Variants in ACYP2 observed in about 807,000 individuals in gnomAD.
ACYP2 encodes acylphosphatase-2.
Under a neutral mutation model 11.2 loss-of-function variants are expected in ACYP2, and 12 were observed. The observed-to-expected ratio is 1.08, with a 90% CI of 0.69 to 1.74. The LOEUF (loss-of-function observed/expected upper bound fraction) is 1.74. Ranked by LOEUF, ACYP2 falls within the 40% of genes most tolerant of loss-of-function variation. The probability of loss-of-function intolerance (pLI) is 0.00; values close to 1 mark genes in which losing one functional copy is unlikely to be tolerated. For missense variants in ACYP2, 134 were observed against 101.9 expected (o/e 1.31, Z -1.35); for synonymous variants, 43 against 32.2 (o/e 1.33, Z -1.13).
chr2:54,181,013 T>C (rs1033675381), intron 6 of ACYP2, among the ~76,000 whole-genome samples: 3 of 152,202 alleles, frequency 2.0e-5, no homozygotes, highest in African/African-American at 7.2e-5. Context: ...ATTCAGACCA[T>C]AGCAGATCTC....
intron 6 of ACYP2, among the ~76,000 whole-genome samples, chr2:54,291,508 G>A (rs1327628979): frequency 6.6e-6 from 1 of 152,230 alleles, no homozygotes; most frequent in South Asian, 2.1e-4. Context: ...TCCTTCTGGG[G>A]TCTTTCACGT....
At chr2:54,204,749 T>C (rs896006801) in intron 6 of ACYP2, among the ~76,000 whole-genome samples, 1 of 152,226 alleles carries the variant, frequency 6.6e-6, no homozygotes, top group Admixed American at 6.5e-5. Flanking sequence ...TATTTGATTA[T>C]TGCTTCTGCT....
intron 2 of ACYP2, among the ~76,000 whole-genome samples, chr2:54,042,804 T>C (rs577451628): frequency 6.6e-6 from 1 of 152,288 alleles, no homozygotes; most frequent in South Asian, 2.1e-4. Context: ...ATATTTACAA[T>C]GCAGACTCTC....
chr2:54,178,901 C>T (rs1241181431), intron 6 of ACYP2, among the ~76,000 whole-genome samples: 1 of 152,096 alleles, frequency 6.6e-6, no homozygotes, highest in Admixed American at 6.6e-5. Context: ...AGTCCATTCA[C>T]GCTACTATAA....
At chr2:54,255,804 C>A (rs544734880) in intron 6 of ACYP2, 1 of 1,613,726 alleles carries the variant, frequency 6.2e-7, no homozygotes, top group Non-Finnish European at 8.5e-7. Context: ...TCTCTTCACC[C>A]GGAAAGCCAT....
At chr2:54,236,068 CTTATA>C (rs2103975121) in intron 6 of ACYP2, among the ~76,000 whole-genome samples, 1 of 151,638 alleles carries the variant, frequency 6.6e-6, no homozygotes, top group Non-Finnish European at 1.5e-5. Context: ...TATTTCCTTC[CTTATA>C]TTTTCTTTAG....
At chr2:53,980,812 T>G (rs1671717164) in intron 2 of ACYP2, among the ~76,000 whole-genome samples, 2 of 151,950 alleles carry the variant, frequency 1.3e-5, no homozygotes, top group Non-Finnish European at 2.9e-5. Flanking sequence ...AGTGCAATGG[T>G]GCAATCACAG....
At chr2:54,281,251 A>C (rs1688838240) in intron 6 of ACYP2, among the ~76,000 whole-genome samples, 1 of 152,218 alleles carries the variant, frequency 6.6e-6, no homozygotes, top group South Asian at 2.1e-4. Context: ...GTCAGGGATC[A>C]ATTTCCTTTT....
At chr2:54,157,852 C>T (rs1682503663) in intron 6 of ACYP2, among the ~76,000 whole-genome samples, 1 of 152,088 alleles carries the variant, frequency 6.6e-6, no homozygotes, top group African/African-American at 2.4e-5. Flanking sequence ...GCTGTCAGTG[C>T]AGAGGGTCTG....
chr2:54,292,710 GTGTA>G (rs1209828623), intron 6 of ACYP2, among the ~76,000 whole-genome samples: 4 of 146,380 alleles, frequency 2.7e-5, no homozygotes, highest in Admixed American at 1.4e-4. Flanking sequence ...ACACACACAC[GTGTA>G]TGTATCTCTG....
At chr2:54,282,819 GTA>G (rs369088365) in intron 6 of ACYP2, among the ~76,000 whole-genome samples, 97 of 152,164 alleles carry the variant, frequency 6.4e-4, no homozygotes, top group African/African-American at 2.2e-3. Flanking sequence ...ATATTCACAG[GTA>G]GCTGTGTGTA....
At position 54,201,604 on chromosome 2, in the gene ACYP2, C is replaced by CTTTCTTTCTTTCTTTCTTTCTT. The variant is rs1558608435; in HGVS notation, c.404+62875_404+62876insCTTTTTCTTTCTTTCTTTCTTT. ...TCTTTTTCTTTCTTTCTCTTTCTTT[C>CTTTCTTTCTTTCTTTCTTTCTT]TTTCTTTCTTTCTTTCTTTGTTTCT... is the stretch of plus-strand genomic sequence containing the variant. On this transcript the variant is annotated intron_variant, in intron 6 of 6. Coordinates refer to ENST00000607452, the MANE Select transcript of ACYP2 (RefSeq NM_001320586.2). Among the ~76,000 whole-genome samples, 142 of 83,942 alleles carry CTTTCTTTCTTTCTTTCTTTCTT rather than the reference C, an allele frequency of 1.7e-3. 2 individuals are homozygous for CTTTCTTTCTTTCTTTCTTTCTT. Among genetic ancestry groups the CTTTCTTTCTTTCTTTCTTTCTT allele is most frequent in the East Asian group, 5.1e-3 (8 of 1,566 alleles). 55.1% of individuals were successfully genotyped at this position (83,942 alleles called of 152,430 possible). A position where few individuals can be genotyped will look rare whatever the true frequency, so the allele number is the denominator to read the frequency against.
chr2:54,015,645 T>TCTCACACACACACACACACACA (rs1322863615), intron 2 of ACYP2, among the ~76,000 whole-genome samples: 2 of 130,420 alleles, frequency 1.5e-5, no homozygotes, highest in African/African-American at 6.2e-5. Flanking sequence ...TGAGACCCCG[T>TCTCACACACACACACACACACA]CACACACACA....
chr2:54,104,636 C>G (rs1572761463), intron 4 of ACYP2, among the ~76,000 whole-genome samples: 1 of 152,308 alleles, frequency 6.6e-6, no homozygotes. Context: ...GTATTCTACA[C>G]TTGACAAAAA....
intron 6 of ACYP2, among the ~76,000 whole-genome samples, chr2:54,164,683 C>T (rs1682876753): frequency 6.6e-6 from 1 of 152,096 alleles, no homozygotes; most frequent in African/African-American, 2.4e-5. Context: ...TTGTGGCAAA[C>T]AGCGTTTTTT....
intron 6 of ACYP2, among the ~76,000 whole-genome samples, chr2:54,204,972 T>C (rs931089626): frequency 5.9e-5 from 9 of 152,212 alleles, no homozygotes; most frequent in African/African-American, 1.4e-4. Context: ...AGTTCATGTT[T>C]CTCATAGGCA....
intron 4 of ACYP2, among the ~76,000 whole-genome samples, chr2:54,070,270 CAAA>C (rs200624759): frequency 4.4e-5 from 4 of 89,906 alleles, no homozygotes; most frequent in Non-Finnish European, 6.6e-5. Flanking sequence ...AAGTCCATCT[CAAA>C]AAAAAAAAAA....
At chr2:54,259,416 T>A in intron 6 of ACYP2, among the ~76,000 whole-genome samples, 1 of 151,964 alleles carries the variant, frequency 6.6e-6, no homozygotes, top group Non-Finnish European at 1.5e-5. Context: ...CCCTGAAGAC[T>A]CCAAAAGTAT....
intron 2 of ACYP2, among the ~76,000 whole-genome samples, chr2:54,036,036 T>C (rs1674880497): frequency 6.6e-6 from 1 of 152,156 alleles, no homozygotes. Flanking sequence ...TGGCAGTACC[T>C]CTCCAAGCTT....
Sources: gnomAD v4.1 joint callset for allele counts (sites outside exome capture counted in the v4.1 genomes callset) on GRCh38, gnomAD v4.1.1 for gene constraint, MANE v1.5 for transcripts, NCBI Gene and HGNC (gene_info 2026-07-23, HGNC 2026-07-21) for gene names.